The following TECRL variants were observed in gnomAD, a reference collection of about 807,000 sequenced individuals.
TECRL encodes trans-2,3-enoyl-CoA reductase-like.
A neutral mutation model predicts 52.8 loss-of-function variants in TECRL; 63 were observed. The ratio of observed to expected loss-of-function variants is 1.19; its 90% CI spans 0.97 to 1.47. The LOEUF (loss-of-function observed/expected upper bound fraction) is 1.47. Ranked by LOEUF, TECRL falls within the 40% of genes most tolerant of loss-of-function variation. The probability of loss-of-function intolerance (pLI) is 0.00; values close to 1 mark genes in which losing one functional copy is unlikely to be tolerated. For synonymous variants in TECRL, 164 were observed against 141.9 expected, an observed-to-expected ratio of 1.16 and a Z score of -1.10; for missense variants, 482 against 429.6, an observed-to-expected ratio of 1.12 and a Z score of -1.08.
chr4:64,304,674 G>A (rs1724223243), intron 7 of TECRL, among the ~76,000 whole-genome samples: 1 of 151,954 alleles, frequency 6.6e-6, no homozygotes, highest in African/African-American at 2.4e-5. Context: ...CAAGGAATTA[G>A]GTTTCATCCA....
chr4:64,357,397 C>G (rs1720845229), intron 2 of TECRL, among the ~76,000 whole-genome samples: 1 of 151,416 alleles, frequency 6.6e-6, no homozygotes, highest in South Asian at 2.1e-4. Context: ...GAAGAGATGT[C>G]AAGAAGTTAT....
intron 6 of TECRL, 83 bp from the exon 7 acceptor site, chr4:64,305,321 C>A: frequency 8.1e-7 from 1 of 1,227,252 alleles, no homozygotes; most frequent in Non-Finnish European, 1.2e-6. Context: ...ATATTACATG[C>A]ATGTCACAAT....
chr4:64,334,524 G>A (rs1051619004), intron 2 of TECRL, among the ~76,000 whole-genome samples: 6 of 152,134 alleles, frequency 3.9e-5, no homozygotes, highest in Admixed American at 2.0e-4. Context: ...AACTAAAAGT[G>A]TTTAACACTG....
At chr4:64,330,347 A>C (rs1718554229) in intron 2 of TECRL, among the ~76,000 whole-genome samples, 1 of 152,114 alleles carries the variant, frequency 6.6e-6, no homozygotes, top group East Asian at 1.9e-4. Context: ...CGACCTCTTA[A>C]GGATACTTAA....
At chr4:64,308,398 T>C (rs1442536616) in intron 6 of TECRL, among the ~76,000 whole-genome samples, 2 of 152,156 alleles carry the variant, frequency 1.3e-5, no homozygotes, top group Admixed American at 1.3e-4. Flanking sequence ...CCACAGGCTT[T>C]CGTTAGGCAC....
chr4:64,399,288 T>C (rs969059826), intron 1 of TECRL, among the ~76,000 whole-genome samples: 2 of 152,072 alleles, frequency 1.3e-5, no homozygotes, highest in Non-Finnish European at 2.9e-5. Flanking sequence ...TAATTTCAGA[T>C]GCAGTAGCAG....
chr4:64,406,645 T>C (rs966092612), intron 1 of TECRL, among the ~76,000 whole-genome samples: 1 of 152,046 alleles, frequency 6.6e-6, no homozygotes, highest in African/African-American at 2.4e-5. Context: ...ATTAACTTTA[T>C]TGATATGATT....
intron 9 of TECRL, among the ~76,000 whole-genome samples, chr4:64,288,604 T>C (rs1297326213): frequency 6.6e-6 from 1 of 152,190 alleles, no homozygotes; most frequent in African/African-American, 2.4e-5. Flanking sequence ...TTTATATAAC[T>C]GGTGATGACC....
chr4:64,394,809 T>C (rs1306043157), intron 1 of TECRL, among the ~76,000 whole-genome samples: 1 of 152,040 alleles, frequency 6.6e-6, no homozygotes, highest in Non-Finnish European at 1.5e-5. Flanking sequence ...AAAATAACCT[T>C]GTGAAGTAGG....
At chr4:64,330,213 T>G (rs1042260627) in intron 2 of TECRL, among the ~76,000 whole-genome samples, 1 of 152,076 alleles carries the variant, frequency 6.6e-6, no homozygotes, top group Non-Finnish European at 1.5e-5. Flanking sequence ...CTGGTAGTCT[T>G]AACAAATTTA....
chr4:64,305,341 C>A, intron 6 of TECRL, 103 bp from the exon 7 acceptor site: 1 of 939,952 alleles, frequency 1.1e-6, no homozygotes, highest in Non-Finnish European at 1.6e-6. Context: ...TTTGAAACCA[C>A]CACATACATT....
intron 1 of TECRL, among the ~76,000 whole-genome samples, chr4:64,397,042 G>A (rs1472439014): frequency 2.0e-5 from 3 of 152,072 alleles, no homozygotes; most frequent in African/African-American, 4.8e-5. Flanking sequence ...TGGAACATGA[G>A]AGAGAACCCA....
At position 64,286,166 on chromosome 4, in the gene TECRL, C is replaced by T. The variant is rs148646813; in HGVS notation, c.832+3544G>A. ...AAAACAAAACAAAATTTACAGAACA[C>T]ACACACACACAATTACCAAAGAATG... On this transcript the variant is annotated intron_variant, in intron 9 of 11. Coordinates refer to ENST00000381210, the MANE Select transcript of TECRL (RefSeq NM_001010874.5). 2.5e-3 allele frequency among the ~76,000 whole-genome samples: 383 copies of T among 151,982 alleles called. 1 individual carries two copies. The highest frequency in any genetic ancestry group is 8.9e-3 in the African/African-American group (367 of 41,462).
At chr4:64,358,119 T>C (rs1198577798) in intron 2 of TECRL, among the ~76,000 whole-genome samples, 1 of 151,576 alleles carries the variant, frequency 6.6e-6, no homozygotes, top group African/African-American at 2.4e-5. Flanking sequence ...AAAAAGACAT[T>C]CTGAATTATC....
intron 1 of TECRL, among the ~76,000 whole-genome samples, chr4:64,375,812 C>T (rs912122332): frequency 1.3e-5 from 2 of 151,690 alleles, no homozygotes; most frequent in African/African-American, 4.8e-5. Flanking sequence ...ATTACTAAAA[C>T]AAACTCTATA....
chr4:64,409,040 A>T, intron 1 of TECRL, 78 bp downstream of exon 1: 1 of 1,253,328 alleles, frequency 8.0e-7, no homozygotes, highest in Non-Finnish European at 1.1e-6. Context: ...GTTAGAATTT[A>T]ATCAAGCAAT....
chr4:64,400,956 T>C (rs1724315280), intron 1 of TECRL, among the ~76,000 whole-genome samples: 1 of 152,104 alleles, frequency 6.6e-6, no homozygotes, highest in South Asian at 2.1e-4. Flanking sequence ...AGGGAAAACA[T>C]AATAAGTTTG....
chr4:64,287,875 G>A (rs780359201), intron 9 of TECRL, among the ~76,000 whole-genome samples: 3 of 152,032 alleles, frequency 2.0e-5, no homozygotes, highest in Non-Finnish European at 2.9e-5. Context: ...GGCCAGGCAC[G>A]GTGGCTCATG....
intron 8 of TECRL, among the ~76,000 whole-genome samples, chr4:64,293,588 C>A (rs1253378253): frequency 6.6e-6 from 1 of 151,952 alleles, no homozygotes. Flanking sequence ...GGAATGATAC[C>A]AATTACCAAT....
Sources: allele counts gnomAD v4.1 joint callset (sites outside exome capture counted in the v4.1 genomes callset), GRCh38; gene constraint gnomAD v4.1.1; transcripts MANE v1.5; gene names NCBI Gene and HGNC (gene_info 2026-07-23, HGNC 2026-07-21).